Variants in XKR6 observed in about 807,000 individuals in gnomAD.
XKR6 encodes XK related 6.
A neutral mutation model predicts 56.7 loss-of-function variants in XKR6; 22 were observed. The ratio of observed to expected loss-of-function variants is 0.39; its 90% confidence interval spans 0.28 to 0.55. The LOEUF is 0.55. Among genes scored for constraint, XKR6 ranks in the 20% least tolerant of loss-of-function variants. The pLI, the probability that XKR6 is intolerant of heterozygous loss-of-function variation, is 0.66. For synonymous variants in XKR6, 524 were observed against 387.8 expected (o/e 1.35, Z -4.13); for missense variants, 852 against 889.0 (o/e 0.96, Z 0.53).
Position 11,163,302 on chromosome 8 carries a change from G to C in XKR6, c.764+37274C>G, listed in dbSNP as rs190993113. On this transcript the variant is annotated intron_variant, in intron 1 of 2. Transcript: ENST00000416569. ...AGCATTGCACAGCTTATATTACCCA[G>C]AAGAATGTATTATCAAGTATATTTC... Among the ~76,000 whole-genome samples the C allele has an allele frequency of 2.4e-3, 373 of 152,270 alleles. 3 individuals are homozygous for C. The highest frequency in any genetic ancestry group is 3.3e-3 in the Non-Finnish European group (225 of 68,024).
intron 2 of XKR6, among the ~76,000 whole-genome samples, chr8:10,909,008 T>C (rs1800267571): frequency 6.6e-6 from 1 of 152,102 alleles, no homozygotes; most frequent in South Asian, 2.1e-4. Context: ...CTACTAAAAA[T>C]ACAAAAATTT....
At position 10,924,640 on chromosome 8, in the gene XKR6, G is replaced by A; in HGVS notation, c.955C>T (p.Leu319=). Residue 319 remains leucine, a synonymous_variant, in exon 2 of 3, where the codon CTG becomes TTG. Coordinates refer to ENST00000416569, the MANE Select transcript of XKR6 (RefSeq NM_173683.4). ...IMLQKNSAET[L]PCVSSVTSLM... ...GCGGCCGGCGGGCACTCACAGGGCA[G>A]GGTCTCGGCGCTGTTCTTCTGGAGC... is the stretch of plus-strand genomic sequence containing the variant. The A allele has an allele frequency of 1.2e-6, 2 of 1,601,362 alleles. No homozygotes were observed. Among genetic ancestry groups the A allele is most frequent in the Non-Finnish European group, 1.7e-6 (2 of 1,171,242 alleles).
intron 1 of XKR6, among the ~76,000 whole-genome samples, chr8:10,931,457 C>G (rs1181098245): frequency 6.6e-6 from 1 of 151,858 alleles, no homozygotes; most frequent in Non-Finnish European, 1.5e-5. Flanking sequence ...CTAGAATAGT[C>G]AAAACAATTC....
chr8:11,073,906 G>A (rs1018216370), intron 1 of XKR6, among the ~76,000 whole-genome samples: 10 of 152,190 alleles, frequency 6.6e-5, no homozygotes, highest in African/African-American at 1.2e-4. Context: ...TCAGTGGGCT[G>A]GGAGTCCAGG....
At chr8:10,987,055 A>C (rs557269868) in intron 1 of XKR6, among the ~76,000 whole-genome samples, 63 of 151,560 alleles carry the variant, frequency 4.2e-4, no homozygotes, top group Non-Finnish European at 7.5e-4. Flanking sequence ...CTCCCAAGTC[A>C]TAAGTTTGTT....
chr8:11,187,918 G>T (rs963160392), intron 1 of XKR6, among the ~76,000 whole-genome samples: 3 of 152,198 alleles, frequency 2.0e-5, no homozygotes, highest in African/African-American at 7.2e-5. Flanking sequence ...CTGAGCGCAA[G>T]TTTCAAGGAA....
At chr8:11,009,047 G>T (rs1214032337) in intron 1 of XKR6, among the ~76,000 whole-genome samples, 4 of 147,028 alleles carry the variant, frequency 2.7e-5, no homozygotes, top group South Asian at 4.5e-4. Flanking sequence ...AAAAAGCCAG[G>T]CCCCAAATTA....
intron 1 of XKR6, among the ~76,000 whole-genome samples, chr8:10,958,104 G>A (rs185700555): frequency 6.6e-6 from 1 of 152,280 alleles, no homozygotes; most frequent in East Asian, 1.9e-4. Context: ...TCCCTCACTT[G>A]TGTCAGACTG....
intron 1 of XKR6, among the ~76,000 whole-genome samples, chr8:10,994,455 C>A (rs145486765): frequency 7.9e-5 from 12 of 152,184 alleles, no homozygotes; most frequent in African/African-American, 2.9e-4. Context: ...AGTGGCAGAC[C>A]AGCAGCAAGA....
chr8:10,941,002 G>A (rs769030234), intron 1 of XKR6, among the ~76,000 whole-genome samples: 2 of 152,158 alleles, frequency 1.3e-5, no homozygotes, highest in African/African-American at 4.8e-5. Flanking sequence ...ACAGTGACTC[G>A]GCCACCGGGC....
At chr8:11,060,821 G>A (rs1449866644) in intron 1 of XKR6, among the ~76,000 whole-genome samples, 4 of 152,244 alleles carry the variant, frequency 2.6e-5, no homozygotes, top group Admixed American at 6.5e-5. Flanking sequence ...AAGTCTCGTA[G>A]ATGAGGAGAG....
chr8:10,898,665 C>T lies in XKR6; in HGVS notation c.1213G>A (p.Gly405Arg). 1 of 1,614,100 alleles carries T rather than the reference C, an allele frequency of 6.2e-7. No homozygotes were observed. Among genetic ancestry groups the T allele is most frequent in the East Asian group, 2.2e-5 (1 of 44,866 alleles). ...CAMAFWIIHG[G>R]TDFCMSKWEE... ...CACTTGGACATGCAGAAGTCTGTTC[C>T]GCCATGGATGATCCAGAAGGCCATG... is the stretch of plus-strand genomic sequence containing the variant. Residue 405 changes from glycine (G) to arginine (R), a missense_variant, in exon 3 of 3, where the codon GGA becomes AGA. By Grantham distance (125) the Gly-to-Arg change is moderately radical (BLOSUM62 -2). Around this residue, in one of 4 missense-constraint regions of XKR6, gnomAD observed 199 missense variants for 280.4 expected, o/e 0.71. Transcript: ENST00000416569. This position sits in a 1 kb window ranked among gnomAD's most constrained non-coding sequence, Gnocchi z 6.6.
At chr8:11,141,736 T>C (rs920357211) in intron 1 of XKR6, among the ~76,000 whole-genome samples, 2 of 152,036 alleles carry the variant, frequency 1.3e-5, no homozygotes, top group African/African-American at 2.4e-5. Flanking sequence ...CCTATCTGTC[T>C]CCATAGCCCT....
chr8:10,967,060 C>T (rs1032899102), intron 1 of XKR6, among the ~76,000 whole-genome samples: 1 of 152,114 alleles, frequency 6.6e-6, no homozygotes, highest in Non-Finnish European at 1.5e-5. Flanking sequence ...GAGGCTGCAC[C>T]CCTGCATCTG....
chr8:10,921,789 C>G (rs138812265), intron 2 of XKR6, among the ~76,000 whole-genome samples: 11 of 152,262 alleles, frequency 7.2e-5, no homozygotes, highest in African/African-American at 1.9e-4. Flanking sequence ...CTTGGCAGCC[C>G]TGGTGGTACA....
chr8:11,044,582 G>T (rs1302478656), intron 1 of XKR6, among the ~76,000 whole-genome samples: 1 of 151,786 alleles, frequency 6.6e-6, no homozygotes, highest in Non-Finnish European at 1.5e-5. Context: ...TATTCCCTCA[G>T]ATCATCCTCC....
intron 1 of XKR6, among the ~76,000 whole-genome samples, chr8:11,132,483 T>C (rs1160208537): frequency 6.6e-6 from 1 of 151,864 alleles, no homozygotes; most frequent in Admixed American, 6.6e-5. Context: ...CTGCTCAGCC[T>C]CCCGAGTAGC....
In XKR6 at chr8:11,054,672, T is replaced by C. The variant is rs79352643; in HGVS notation, c.765-129842A>G. Among the ~76,000 whole-genome samples, 150 of 152,230 alleles carry C rather than the reference T, an allele frequency of 9.9e-4. 1 individual carries two copies. The East Asian group carries it at 0.026, about 27-fold the overall frequency. On this transcript the variant is annotated intron_variant, in intron 1 of 2. Coordinates refer to ENST00000416569, the MANE Select transcript of XKR6 (RefSeq NM_173683.4). ...TTAGGAAACCCAATTCCTGCCCCCA[T>C]TGAGGGAACAACCCAGAACAGTTGC...
chr8:11,140,332 A>C (rs1800629170), intron 1 of XKR6, among the ~76,000 whole-genome samples: 1 of 152,204 alleles, frequency 6.6e-6, no homozygotes, highest in Non-Finnish European at 1.5e-5. Context: ...GAGAGAACAT[A>C]CCACCTATCT....
Sources: gnomAD v4.1 joint callset for allele counts (sites outside exome capture counted in the v4.1 genomes callset) on GRCh38, gnomAD v4.1.1 for gene constraint, gnomAD v4.1.1 regional missense constraint, Gnocchi (gnomAD v3.1) non-coding constraint, MANE v1.5 for transcripts, NCBI Gene and HGNC (gene_info 2026-07-23, HGNC 2026-07-21) for gene names.